The following MMS22L variants were observed in gnomAD, a reference collection of about 807,000 sequenced individuals.
MMS22L encodes protein MMS22-like.
A neutral mutation model predicts 159.1 loss-of-function variants in MMS22L; 74 were observed. That is an observed-to-expected ratio of 0.47 (90% CI 0.39 to 0.56). The LOEUF (loss-of-function observed/expected upper bound fraction) is 0.56, where lower values mean the gene tolerates loss of function less well. Among genes scored for constraint, MMS22L ranks in the 20% least tolerant of loss-of-function variants. MMS22L has a pLI of 0.00. For missense variants in MMS22L, 1,351 were observed against 1,422.1 expected, an observed-to-expected ratio of 0.95 and a Z score of 0.80; for synonymous variants, 517 against 506.9, an observed-to-expected ratio of 1.02 and a Z score of -0.27.
At chr6:97,278,168 C>T (rs1816423213) in intron 4 of MMS22L, among the ~76,000 whole-genome samples, 1 of 152,142 alleles carries the variant, frequency 6.6e-6, no homozygotes. Context: ...CTTCAGGAGG[C>T]CAAGGCAGGG....
chr6:97,274,591 GAC>G (rs2128096463), intron 4 of MMS22L, among the ~76,000 whole-genome samples: 1 of 152,212 alleles, frequency 6.6e-6, no homozygotes, highest in South Asian at 2.1e-4. Context: ...CCCACCTAGA[GAC>G]AGTTTCCAGG....
chr6:97,182,828 A>C (rs1326482564), intron 15 of MMS22L, among the ~76,000 whole-genome samples: 1 of 152,060 alleles, frequency 6.6e-6, no homozygotes, highest in African/African-American at 2.4e-5. Flanking sequence ...TTTGAATTTC[A>C]TATCATCAGG....
intron 14 of MMS22L, among the ~76,000 whole-genome samples, chr6:97,212,181 A>C (rs1364317274): frequency 1.3e-5 from 2 of 152,188 alleles, no homozygotes; most frequent in Non-Finnish European, 2.9e-5. Context: ...ATGCATCTCT[A>C]CTTTCTCCAA....
chr6:97,233,660 G>C (rs2128005119), intron 12 of MMS22L, among the ~76,000 whole-genome samples: 1 of 152,006 alleles, frequency 6.6e-6, no homozygotes, highest in East Asian at 1.9e-4. Flanking sequence ...AGAGAAAAAG[G>C]ATACCAAATG....
At chr6:97,192,206 ATGG>A (rs1311996501) in intron 14 of MMS22L, among the ~76,000 whole-genome samples, 10 of 107,392 alleles carry the variant, frequency 9.3e-5, no homozygotes, top group East Asian at 1.4e-3. Context: ...GGATGGATGG[ATGG>A]ATGAATGAAT....
chr6:97,264,646 C>T (rs1325580341), intron 8 of MMS22L: 1 of 151,880 alleles, frequency 6.6e-6, no homozygotes, highest in Non-Finnish European at 1.5e-5. Context: ...TATATAGAAA[C>T]CTCTAAAGAC....
chr6:97,196,894 A>C (rs950588905), intron 14 of MMS22L, among the ~76,000 whole-genome samples: 1 of 152,102 alleles, frequency 6.6e-6, no homozygotes, highest in African/African-American at 2.4e-5. Context: ...TTGTATATCT[A>C]TATCTATACA....
At position 97,225,634 on chromosome 6, in the gene MMS22L, A is replaced by G. The variant is rs527789571; in HGVS notation, c.2039+3260T>C. On this transcript the variant is annotated intron_variant, in intron 14 of 24. Transcript: ENST00000683635. The stretch of plus-strand genomic sequence containing the variant: ...GTCACACAGGCTGGAGTGCAGTGGC[A>G]CGATCTCGGCTCACTGCAAGCTCCG... Among the ~76,000 whole-genome samples, 87 of 147,756 alleles carry G rather than the reference A, an allele frequency of 5.9e-4. 2 individuals are homozygous for G. Among genetic ancestry groups the G allele is most frequent in the African/African-American group, 2.1e-3 (82 of 38,596 alleles).
Position 97,246,262 on chromosome 6 carries a change from G to A in MMS22L, c.1182+366C>T. 2.9e-5 allele frequency: 12 copies of A among 416,148 alleles called. 1 individual carries two copies. The highest frequency in any genetic ancestry group is 2.0e-4 in the South Asian group (11 of 55,050). 25.8% of individuals were successfully genotyped at this position (416,148 alleles called of 1,614,324 possible). ...TAAGACAAATTGCTCAGCAAGGCAA[G>A]TCACCTTCCTGCTGTGATGAGGATA... On this transcript the variant is annotated intron_variant, in intron 11 of 24. Coordinates refer to ENST00000683635, the MANE Select transcript of MMS22L (RefSeq NM_001350599.2).
chr6:97,143,358 T>C lies in MMS22L; in HGVS notation c.*3448A>G, dbSNP rs957511148. On this transcript the variant is annotated 3_prime_UTR_variant, in exon 25 of 25. Transcript: ENST00000683635. Reference sequence around the variant, plus strand: ...AGAAAGCTGCTAAATGAGCCTCTTGTTTGGAAAGAGATAAGCTTGAAGATA... The same window carrying C: ...AGAAAGCTGCTAAATGAGCCTCTTGCTTGGAAAGAGATAAGCTTGAAGATA... The C allele has an allele frequency of 6.6e-6, 1 of 152,164 alleles. No homozygotes were observed. Among genetic ancestry groups the C allele is most frequent in the African/African-American group, 2.4e-5 (1 of 41,430 alleles). The allele number at this position is 152,164 out of a possible 1,614,324, so 9.4% of individuals were successfully genotyped here. A position where few individuals can be genotyped will look rare whatever the true frequency, so the allele number is the denominator to read the frequency against.
chr6:97,179,011 G>A (rs1218500635), intron 17 of MMS22L, among the ~76,000 whole-genome samples: 1 of 152,012 alleles, frequency 6.6e-6, no homozygotes, highest in East Asian at 1.9e-4. Context: ...AATATAAAAT[G>A]GGAGAGAATT....
chr6:97,254,121 A>G (rs1415004899), intron 10 of MMS22L: 3 of 153,898 alleles, frequency 1.9e-5, no homozygotes, highest in Admixed American at 6.4e-5. Context: ...AAGCTTCACT[A>G]AAGAAGTGCT....
intron 14 of MMS22L, among the ~76,000 whole-genome samples, chr6:97,192,936 G>A (rs549926539): frequency 1.1e-4 from 16 of 152,250 alleles, no homozygotes; most frequent in African/African-American, 3.6e-4. Context: ...GCAGAGCCAG[G>A]ATTTGAACCC....
intron 8 of MMS22L, chr6:97,266,556 C>T (rs1325009359): frequency 6.6e-6 from 1 of 152,154 alleles, no homozygotes; most frequent in Non-Finnish European, 1.5e-5. Flanking sequence ...TAAACTTTTT[C>T]AGCCTACTAC....
chr6:97,231,730 T>G, intron 12 of MMS22L, 78 bp from the exon 13 acceptor site: 1 of 1,015,212 alleles, frequency 9.9e-7, no homozygotes, highest in South Asian at 1.6e-5. Context: ...AAATCCCAGT[T>G]AGTTGGTTCA....
intron 14 of MMS22L, among the ~76,000 whole-genome samples, chr6:97,194,112 C>T (rs1235347881): frequency 6.6e-6 from 1 of 151,906 alleles, no homozygotes; most frequent in East Asian, 1.9e-4. Context: ...GGCTGGAGCG[C>T]AGTGGCGCCA....
chr6:97,256,541 T>C (rs923308973), intron 9 of MMS22L, among the ~76,000 whole-genome samples: 1 of 152,194 alleles, frequency 6.6e-6, no homozygotes, highest in African/African-American at 2.4e-5. Context: ...TTTTTAAAGA[T>C]ATTAATAGGT....
chr6:97,254,819 C>G, intron 9 of MMS22L, 86 bp from the exon 10 acceptor site: 3 of 1,081,264 alleles, frequency 2.8e-6, no homozygotes, highest in Non-Finnish European at 3.9e-6. Context: ...TATAATGAAG[C>G]ATATATACAA....
chr6:97,151,934 AAC>A, intron 22 of MMS22L, 67 bp from the exon 23 acceptor site: 1 of 1,178,880 alleles, frequency 8.5e-7, no homozygotes, highest in Non-Finnish European at 1.3e-6. Flanking sequence ...CATTTTTATG[AAC>A]ACTCTTGATT....
Sources: allele counts gnomAD v4.1 joint callset (sites outside exome capture counted in the v4.1 genomes callset), GRCh38; gene constraint gnomAD v4.1.1; transcripts MANE v1.5; gene names NCBI Gene and HGNC (gene_info 2026-07-23, HGNC 2026-07-21).